The following DNAH9 variants were observed in gnomAD, a reference collection of about 807,000 sequenced individuals.
DNAH9 encodes the protein DNAH9 variant protein.
DNAH9 carries 345 observed loss-of-function variants against 471.6 expected under a neutral mutation model. The observed-to-expected ratio is 0.73, with a 90% CI of 0.67 to 0.80. The LOEUF is 0.80. Ranked by LOEUF, DNAH9 falls within the 30% of genes least tolerant of loss-of-function variation. The pLI, the probability that DNAH9 is intolerant of heterozygous loss-of-function variation, is 0.00. For synonymous variants in DNAH9, 2,093 were observed against 2,123.6 expected (o/e 0.99, Z 0.40); for missense variants, 5,407 against 5,609.2 (o/e 0.96, Z 1.15).
At chr17:11,891,131 A>T (rs978526582) in intron 57 of DNAH9, among the ~76,000 whole-genome samples, 3 of 152,236 alleles carry the variant, frequency 2.0e-5, no homozygotes, top group African/African-American at 7.2e-5. Flanking sequence ...GAGTTTATAC[A>T]CATAATGTGT....
At position 11,729,252 on chromosome 17, in the gene DNAH9, C is replaced by G. The variant is rs1326771612; in HGVS notation, c.5814+1330C>G. 5.9e-5 allele frequency among the ~76,000 whole-genome samples: 9 copies of G among 152,114 alleles called. 1 individual carries two copies. The South Asian group carries it at 1.9e-3, about 32-fold the overall frequency. ...ACCCCATCTCCAAGATAAAGCACAT[C>G]GTTTGCCAGCTTCTATTCCACATGC... On this transcript the variant is annotated intron_variant, in intron 28 of 68. Transcript: ENST00000262442.
At chr17:11,668,836 C>A (rs1282349378) in intron 15 of DNAH9, among the ~76,000 whole-genome samples, 1 of 152,096 alleles carries the variant, frequency 6.6e-6, no homozygotes, top group Non-Finnish European at 1.5e-5. Flanking sequence ...GAGAGCCCTG[C>A]AGCAGAATGG....
intron 50 of DNAH9, among the ~76,000 whole-genome samples, chr17:11,866,804 G>A (rs2034074849): frequency 6.6e-6 from 1 of 152,202 alleles, no homozygotes; most frequent in African/African-American, 2.4e-5. Flanking sequence ...GAGATTCTGT[G>A]GGCATAGGAC....
rs149806029 is a variant in DNAH9 at position 11,629,427 on chromosome 17, A to C, written c.1361A>C (p.Lys454Thr). The C allele has an allele frequency of 6.2e-7, 1 of 1,613,900 alleles. No individual in the cohort carries two copies. The highest frequency in any genetic ancestry group is 1.7e-5 in the Admixed American group (1 of 60,000). The change falls in exon 7 of 69, where the codon AAG (lysine) becomes ACG (threonine). Residue 454 changes from lysine to threonine, a missense_variant. Lys to Thr is a moderately conservative substitution (Grantham distance 78). This residue lies in a region of DNAH9 where 767 missense variants were observed against 692.5 expected (regional missense o/e 1.11). Transcript: ENST00000262442. ...GAATTGTCCCCATAGGGTCTTCTGA[A>C]GACGGCCCTGGATTTCCACAAACTG... ...GQLHVVEGLL[K>T]TALDFHKLGK...
chr17:11,713,135 T>C (rs1286330208), intron 26 of DNAH9, among the ~76,000 whole-genome samples: 1 of 152,180 alleles, frequency 6.6e-6, no homozygotes, highest in Non-Finnish European at 1.5e-5. Flanking sequence ...CTCCCACTTA[T>C]AAGTGTGAAC....
chr17:11,695,641 A>T (rs9903527), intron 22 of DNAH9, among the ~76,000 whole-genome samples: 2,492 of 152,298 alleles, frequency 0.016, 76 homozygotes, highest in African/African-American at 0.056. Flanking sequence ...TTGGAGCTAC[A>T]GACACTGGTT....
intron 32 of DNAH9, among the ~76,000 whole-genome samples, chr17:11,748,469 C>T (rs1966993999): frequency 6.6e-6 from 1 of 152,064 alleles, no homozygotes; most frequent in African/African-American, 2.4e-5. Context: ...GGCTCATTCC[C>T]AAAGAAGTGG....
intron 10 of DNAH9, 67 bp downstream of exon 10, chr17:11,640,451 T>C (rs1401918498): frequency 1.8e-6 from 2 of 1,095,250 alleles, no homozygotes; most frequent in African/African-American, 1.6e-5. Context: ...AATCTGAGTG[T>C]TGTAGAAATG....
At chr17:11,701,746 T>A (rs2074601245) in intron 24 of DNAH9, among the ~76,000 whole-genome samples, 1 of 152,192 alleles carries the variant, frequency 6.6e-6, no homozygotes, top group African/African-American at 2.4e-5. Flanking sequence ...TGCCACGATG[T>A]CGGCTCACTG....
In DNAH9 at chr17:11,669,569, A is replaced by G. The variant is rs760204906; in HGVS notation, c.3128A>G (p.His1043Arg). 1.4e-5 allele frequency: 23 copies of G among 1,614,054 alleles called. No individual in the cohort carries two copies. Among genetic ancestry groups the G allele is most frequent in the Non-Finnish European group, 1.8e-5 (21 of 1,180,022 alleles). Residue 1043 changes from histidine (H) to arginine (R), a missense_variant, in exon 17 of 69, where the codon CAT becomes CGT. Coordinates refer to ENST00000262442, the MANE Select transcript of DNAH9 (RefSeq NM_001372.4). ...HILTPEEIED[H>R]VEDGIPENPP... ...CTCACTCCGGAAGAAATTGAAGACC[A>G]TGTGGAAGATGGCATCCCAGAGAAC... is the stretch of plus-strand genomic sequence containing the variant.
chr17:11,860,167 CAG>C (rs1360683704), intron 50 of DNAH9, among the ~76,000 whole-genome samples: 6 of 152,322 alleles, frequency 3.9e-5, no homozygotes, highest in Admixed American at 1.3e-4. Context: ...TTGTTCATAA[CAG>C]ATCTAGAATT....
chr17:11,708,336 CTCTG>C (rs200307850), intron 26 of DNAH9, among the ~76,000 whole-genome samples: 2,455 of 152,274 alleles, frequency 0.016, 19 homozygotes, highest in Non-Finnish European at 0.023. Context: ...CTGTCCAGGA[CTCTG>C]TCTGTGTGTC....
intron 1 of DNAH9, among the ~76,000 whole-genome samples, chr17:11,602,711 G>A (rs1401989793): frequency 6.6e-6 from 1 of 152,112 alleles, no homozygotes. Context: ...TGGCCTCTGG[G>A]TTCTCTGTAT....
chr17:11,946,596 G>A lies in DNAH9; in HGVS notation c.12843+4111G>A, dbSNP rs1290807458. Among the ~76,000 whole-genome samples the A allele has an allele frequency of 6.0e-5, 9 of 148,966 alleles. 1 individual carries two copies. In the South Asian group the frequency reaches 6.4e-4, roughly 11 times the overall value. On this transcript the variant is annotated intron_variant, in intron 67 of 68. Coordinates refer to ENST00000262442, the MANE Select transcript of DNAH9 (RefSeq NM_001372.4). ...GGAGAATGGCGTGAACCCGGGAGGC[G>A]GAGCTTGCAGTGAGCCAAGATGCCA...
chr17:11,877,558 A>G (rs1218696022), intron 53 of DNAH9, among the ~76,000 whole-genome samples: 1 of 149,134 alleles, frequency 6.7e-6, no homozygotes, highest in African/African-American at 2.5e-5. Context: ...CCTAAGATTT[A>G]TCCACTCCAG....
At chr17:11,930,195 G>A in intron 63 of DNAH9, 102 bp downstream of exon 63, 1 of 1,054,006 alleles carries the variant, frequency 9.5e-7, no homozygotes. Flanking sequence ...GTCGGGTGCT[G>A]GTTGGGCTAC....
intron 62 of DNAH9, among the ~76,000 whole-genome samples, chr17:11,926,035 GAAAAAAAAAAAAAAA>G (rs71142253): frequency 1.0e-4 from 6 of 59,896 alleles, no homozygotes; most frequent in Non-Finnish European, 1.7e-4. Flanking sequence ...GAGATTCTCT[GAAAAAAAAAAAAAAA>G]AAAAAAAAAA....
chr17:11,912,252 C>T (rs1016102707), intron 61 of DNAH9, among the ~76,000 whole-genome samples: 4 of 152,138 alleles, frequency 2.6e-5, no homozygotes, highest in Admixed American at 6.6e-5. Context: ...CTCTTGACTT[C>T]GTGATCTGCC....
intron 35 of DNAH9, among the ~76,000 whole-genome samples, chr17:11,762,758 G>GTTTTTTTTTTTTTTTTTTTTTTTT (rs111963634): frequency 4.2e-5 from 4 of 94,790 alleles, no homozygotes; most frequent in Admixed American, 2.7e-4. Flanking sequence ...CTTTAGGTGC[G>GTTTTTTTTTTTTTTTTTTTTTTTT]TTTTTTTTTT....
Sources: gnomAD v4.1 joint callset for allele counts (sites outside exome capture counted in the v4.1 genomes callset) on GRCh38, gnomAD v4.1.1 for gene constraint, gnomAD v4.1.1 regional missense constraint, MANE v1.5 for transcripts, NCBI Gene and HGNC (gene_info 2026-07-23, HGNC 2026-07-21) for gene names.